PCDH15: variants seen among roughly 807,000 people sequenced by gnomAD.
PCDH15 encodes the protein protocadherin-15.
In PCDH15, 129 loss-of-function variants were observed where a neutral mutation model predicts 178.5. That is an observed-to-expected ratio of 0.72 (90% CI 0.63 to 0.84). PCDH15 has a LOEUF of 0.84. PCDH15 is among the 40% of genes least tolerant of loss of function. The probability of loss-of-function intolerance (pLI) is 0.00; values close to 1 mark genes in which losing one functional copy is unlikely to be tolerated. For synonymous variants in PCDH15, 800 were observed against 732.0 expected, an observed-to-expected ratio of 1.09 and a Z score of -1.50; for missense variants, 2,230 against 2,099.9, an observed-to-expected ratio of 1.06 and a Z score of -1.21.
rs532126478 is a variant in PCDH15 at position 55,263,358 on chromosome 10, C to T, written c.-156+56241G>A. The stretch of plus-strand genomic sequence containing the variant: ...TACTAGGTAAAATGAGCATTTCGCT[C>T]AGCAGCCAAGGGTGCAAATCAGACC... On this transcript the variant is annotated intron_variant, in intron 1 of 5. Transcript: ENST00000458638. Among the ~76,000 whole-genome samples, 119 of 152,294 alleles carry T rather than the reference C, an allele frequency of 7.8e-4. 2 individuals carry two copies. The South Asian group carries it at 0.024, about 30-fold the overall frequency.
chr10:55,017,410 A>C (rs1840210051), intron 2 of PCDH15, among the ~76,000 whole-genome samples: 1 of 152,146 alleles, frequency 6.6e-6, no homozygotes, highest in Non-Finnish European at 1.5e-5. Context: ...ATATCTTCCC[A>C]TCTATATATG....
intron 13 of PCDH15, among the ~76,000 whole-genome samples, chr10:54,155,001 A>G (rs571680426): frequency 6.6e-6 from 1 of 152,328 alleles, no homozygotes; most frequent in East Asian, 1.9e-4. Context: ...GATGGGGATA[A>G]CAGAGGAGAT....
intron 2 of PCDH15, among the ~76,000 whole-genome samples, chr10:54,649,002 A>C (rs980476500): frequency 6.6e-5 from 10 of 152,174 alleles, no homozygotes; most frequent in Admixed American, 2.6e-4. Context: ...GAAACATATT[A>C]AATGCAAACT....
intron 2 of PCDH15, among the ~76,000 whole-genome samples, chr10:55,584,385 A>C (rs898980077): frequency 6.6e-6 from 1 of 151,590 alleles, no homozygotes; most frequent in Non-Finnish European, 1.5e-5. Flanking sequence ...TAGGCCAGGC[A>C]CGGTGGCTTA....
At chr10:55,292,641 C>T (rs1460400037) in intron 1 of PCDH15, among the ~76,000 whole-genome samples, 3 of 152,144 alleles carry the variant, frequency 2.0e-5, no homozygotes, top group Non-Finnish European at 4.4e-5. Context: ...CTCGGCCTTC[C>T]AAAGTGCTGG....
chr10:55,541,308 C>G (rs1841755062), intron 2 of PCDH15, among the ~76,000 whole-genome samples: 1 of 151,958 alleles, frequency 6.6e-6, no homozygotes, highest in Admixed American at 6.6e-5. Context: ...AACTATATCC[C>G]TAAGGATTTC....
chr10:53,943,567 C>A (rs2134102182), intron 23 of PCDH15, among the ~76,000 whole-genome samples: 2 of 151,964 alleles, frequency 1.3e-5, no homozygotes, highest in South Asian at 4.2e-4. Flanking sequence ...TGCACGTGTA[C>A]ATTTTTGCTA....
At chr10:54,342,211 C>T (rs12356885) in intron 6 of PCDH15, among the ~76,000 whole-genome samples, 39,313 of 152,070 alleles carry the variant, frequency 0.26, 6,359 homozygotes, top group Middle Eastern at 0.39. Context: ...TCATGGCAGC[C>T]GCTCAAATCA....
At chr10:54,448,832 A>G (rs2076295704) in intron 3 of PCDH15, among the ~76,000 whole-genome samples, 1 of 151,664 alleles carries the variant, frequency 6.6e-6, no homozygotes, top group Non-Finnish European at 1.5e-5. Flanking sequence ...CCCAGTTTCT[A>G]TTTTTCTTCA....
intron 2 of PCDH15, among the ~76,000 whole-genome samples, chr10:55,348,309 T>C (rs1320799069): frequency 4.6e-5 from 7 of 152,144 alleles, no homozygotes; most frequent in Non-Finnish European, 1.0e-4. Flanking sequence ...ATTTGCATCA[T>C]TGAAGAAAAA....
chr10:54,046,894 T>G (rs1306276064), intron 18 of PCDH15, among the ~76,000 whole-genome samples: 1 of 151,858 alleles, frequency 6.6e-6, no homozygotes. Flanking sequence ...CCAAGTTGGT[T>G]GCCAAGCTTA....
intron 17 of PCDH15, among the ~76,000 whole-genome samples, chr10:54,077,650 T>C (rs919132660): frequency 2.0e-5 from 3 of 152,216 alleles, no homozygotes; most frequent in Non-Finnish European, 4.4e-5. Context: ...ATATTTTCTC[T>C]CACTTATTGC....
intron 1 of PCDH15, among the ~76,000 whole-genome samples, chr10:55,317,058 T>C (rs1320638598): frequency 6.6e-6 from 1 of 152,128 alleles, no homozygotes; most frequent in Non-Finnish European, 1.5e-5. Context: ...GGCACTACTA[T>C]TCATTGTCAT....
intron 3 of PCDH15, among the ~76,000 whole-genome samples, chr10:54,865,729 T>C (rs1344415628): frequency 6.6e-6 from 1 of 151,934 alleles, no homozygotes; most frequent in East Asian, 1.9e-4. Flanking sequence ...GAAAATAACA[T>C]GTTAATGTGG....
At chr10:55,450,960 T>C (rs563679021) in intron 2 of PCDH15, among the ~76,000 whole-genome samples, 3 of 61,846 alleles carry the variant, frequency 4.9e-5, no homozygotes, top group African/African-American at 1.5e-4. Flanking sequence ...AAGAACTATA[T>C]ATATATATAT....
At position 54,310,475 on chromosome 10, in the gene PCDH15, C is replaced by T. The variant is rs188558200; in HGVS notation, c.876+6796G>A. 2.2e-3 allele frequency among the ~76,000 whole-genome samples: 327 copies of T among 151,924 alleles called. 1 individual carries two copies. Among genetic ancestry groups the T allele is most frequent in the African/African-American group, 5.6e-3 (231 of 41,460 alleles). On this transcript the variant is annotated intron_variant, in intron 8 of 37. Coordinates refer to ENST00000644397, the MANE Select transcript of PCDH15 (RefSeq NM_001384140.1). ...CTTTGGAGATTGATTGAGTTTGGAA[C>T]GGAGGTCATTGAAGTCTAGGTTCAA... is the stretch of plus-strand genomic sequence containing the variant.
At chr10:55,280,815 T>C (rs1842715539) in intron 1 of PCDH15, among the ~76,000 whole-genome samples, 1 of 152,192 alleles carries the variant, frequency 6.6e-6, no homozygotes, top group Admixed American at 6.5e-5. Flanking sequence ...CACCTCAATG[T>C]TCTGCTTCAA....
chr10:54,048,246 C>A (rs1038362327), intron 18 of PCDH15, among the ~76,000 whole-genome samples: 1 of 151,648 alleles, frequency 6.6e-6, no homozygotes, highest in Non-Finnish European at 1.5e-5. Context: ...TTTTTAATGG[C>A]CTTATTTCTT....
chr10:55,026,951 T>A (rs541166370), intron 2 of PCDH15, among the ~76,000 whole-genome samples: 1 of 151,936 alleles, frequency 6.6e-6, no homozygotes, highest in East Asian at 1.9e-4. Context: ...GCCATTATAG[T>A]CCAAGAAAAG....
Sources: allele counts gnomAD v4.1 joint callset (sites outside exome capture counted in the v4.1 genomes callset), GRCh38; gene constraint gnomAD v4.1.1; transcripts MANE v1.5; gene names NCBI Gene and HGNC (gene_info 2026-07-23, HGNC 2026-07-21).